The following PPP1R9A variants were observed in gnomAD, a reference collection of about 807,000 sequenced individuals.
PPP1R9A encodes the protein protein phosphatase 1 regulatory subunit 9A, also known as neurabin-1.
In PPP1R9A, 59 loss-of-function variants were observed where a neutral mutation model predicts 141.9. The ratio of observed to expected loss-of-function variants is 0.42; its 90% CI spans 0.34 to 0.52. The LOEUF is 0.52. Among genes scored for constraint, PPP1R9A ranks in the 20% least tolerant of loss-of-function variants. The pLI, the probability that PPP1R9A is intolerant of heterozygous loss-of-function variation, is 0.10. For missense variants in PPP1R9A, 1,444 were observed against 1,611.9 expected, an observed-to-expected ratio of 0.90 and a Z score of 1.78; for synonymous variants, 500 against 569.7, an observed-to-expected ratio of 0.88 and a Z score of 1.74.
At chr7:95,257,916 T>C (rs1799841362) in intron 12 of PPP1R9A, among the ~76,000 whole-genome samples, 1 of 152,200 alleles carries the variant, frequency 6.6e-6, no homozygotes, top group South Asian at 2.1e-4. Context: ...CACTCTATCA[T>C]TGTTGGACAT....
intron 6 of PPP1R9A, 82 bp downstream of exon 6, chr7:95,198,566 T>C: frequency 7.1e-7 from 1 of 1,398,872 alleles, no homozygotes; most frequent in Non-Finnish European, 9.4e-7. Context: ...TATGACAGGT[T>C]TTATGCAGTT....
intron 5 of PPP1R9A, among the ~76,000 whole-genome samples, chr7:95,178,284 A>C (rs1270599762): frequency 1.3e-5 from 2 of 152,132 alleles, no homozygotes; most frequent in African/African-American, 4.8e-5. Flanking sequence ...CTGAATGATC[A>C]TTGGGTCAAA....
At chr7:95,042,998 A>T (rs918835184) in intron 2 of PPP1R9A, among the ~76,000 whole-genome samples, 1 of 152,190 alleles carries the variant, frequency 6.6e-6, no homozygotes, top group African/African-American at 2.4e-5. Flanking sequence ...CATATTTTTA[A>T]AATGTTTTCT....
chr7:95,274,702 C>T (rs561114887), intron 16 of PPP1R9A, among the ~76,000 whole-genome samples: 30 of 152,236 alleles, frequency 2.0e-4, no homozygotes, highest in African/African-American at 3.4e-4. Context: ...CCATAAAGAG[C>T]GAGCTTTGAA....
intron 7 of PPP1R9A, among the ~76,000 whole-genome samples, chr7:95,209,699 A>G (rs2152905298): frequency 1.3e-5 from 2 of 152,178 alleles, no homozygotes; most frequent in South Asian, 2.1e-4. Flanking sequence ...TTTTTTTTGT[A>G]CTTTAAATTC....
chr7:95,195,268 C>A (rs1255619147), intron 5 of PPP1R9A, among the ~76,000 whole-genome samples: 3 of 149,984 alleles, frequency 2.0e-5, no homozygotes, highest in Admixed American at 1.3e-4. Flanking sequence ...AGATAGGAAG[C>A]AAAAGCCATC....
At chr7:95,276,105 G>A (rs1803142148) in intron 16 of PPP1R9A, among the ~76,000 whole-genome samples, 2 of 152,176 alleles carry the variant, frequency 1.3e-5, no homozygotes, top group Non-Finnish European at 2.9e-5. Flanking sequence ...AGGGGAGAAA[G>A]AGATGCATAA....
Position 95,249,994 on chromosome 7 carries a change from A to T in PPP1R9A, c.2167-32A>T, listed in dbSNP as rs116701822. ...AGATTTTTGCCACAAAAGTGGCCAAATTATCTTTGCCTTGACGTTTGCTTT... is the reference window on the plus strand; with the variant it reads ...AGATTTTTGCCACAAAAGTGGCCAATTTATCTTTGCCTTGACGTTTGCTTT... On this transcript the variant is annotated intron_variant, in intron 9 of 19. Transcript: ENST00000433360. 342 of 1,528,126 alleles carry T rather than the reference A, an allele frequency of 2.2e-4. 1 individual carries two copies. In the African/African-American group the frequency reaches 4.5e-3, roughly 20 times the overall value. The allele number at this position is 1,528,126 out of a possible 1,614,324, so 94.7% of individuals were successfully genotyped here.
At chr7:95,121,216 A>T (rs1002590325) in intron 4 of PPP1R9A, among the ~76,000 whole-genome samples, 1 of 152,220 alleles carries the variant, frequency 6.6e-6, no homozygotes, top group African/African-American at 2.4e-5. Flanking sequence ...TGACACATGT[A>T]GATGGTAAGT....
intron 8 of PPP1R9A, among the ~76,000 whole-genome samples, chr7:95,245,467 T>C (rs1410328771): frequency 1.3e-5 from 2 of 152,128 alleles, no homozygotes; most frequent in African/African-American, 4.8e-5. Context: ...AGTCTTCCCG[T>C]GTCTAAAATG....
intron 2 of PPP1R9A, among the ~76,000 whole-genome samples, chr7:95,038,447 T>A (rs546339978): frequency 1.3e-5 from 2 of 152,264 alleles, no homozygotes; most frequent in East Asian, 3.9e-4. Flanking sequence ...ACCCCACCAG[T>A]TTCTCACAGA....
chr7:95,024,607 T>C (rs1806531428), intron 2 of PPP1R9A, among the ~76,000 whole-genome samples: 1 of 152,166 alleles, frequency 6.6e-6, no homozygotes, highest in African/African-American at 2.4e-5. Flanking sequence ...CCTCTGCTTT[T>C]TTTTTGTTTT....
chr7:94,925,521 T>G (rs1255186472), intron 2 of PPP1R9A, among the ~76,000 whole-genome samples: 1 of 152,102 alleles, frequency 6.6e-6, no homozygotes, highest in Non-Finnish European at 1.5e-5. Flanking sequence ...CTCTCATTCT[T>G]AGAAAATTTG....
chr7:95,164,656 A>G (rs1473020736), intron 5 of PPP1R9A, among the ~76,000 whole-genome samples: 2 of 148,106 alleles, frequency 1.4e-5, no homozygotes, highest in Middle Eastern at 3.3e-3. Flanking sequence ...TTCTCTCAGG[A>G]TCTCCATCTG....
At chr7:94,918,332 A>G (rs1025653251) in intron 2 of PPP1R9A, among the ~76,000 whole-genome samples, 11 of 152,026 alleles carry the variant, frequency 7.2e-5, no homozygotes, top group Non-Finnish European at 1.5e-4. Flanking sequence ...TACTCCTGAC[A>G]GATGATGTTT....
chr7:95,153,584 G>A (rs1289276580), intron 4 of PPP1R9A, among the ~76,000 whole-genome samples: 1 of 152,148 alleles, frequency 6.6e-6, no homozygotes, highest in Non-Finnish European at 1.5e-5. Context: ...TTTTAAATCA[G>A]TCTGATTTGT....
intron 2 of PPP1R9A, among the ~76,000 whole-genome samples, chr7:94,970,445 A>ACCTGCTTTGGCTCATGCCCCAC (rs1798735653): frequency 6.6e-6 from 1 of 152,012 alleles, no homozygotes; most frequent in Non-Finnish European, 1.5e-5. Context: ...CAATGCCCCA[A>ACCTGCTTTGGCTCATGCCCCAC]CCTGCTTTGG....
At chr7:95,116,892 T>C (rs1821621146) in intron 3 of PPP1R9A, among the ~76,000 whole-genome samples, 1 of 152,170 alleles carries the variant, frequency 6.6e-6, no homozygotes, top group Non-Finnish European at 1.5e-5. Flanking sequence ...ACACATGATA[T>C]TTCAGCTTAG....
chr7:95,001,067 G>A (rs1290643271), intron 2 of PPP1R9A, among the ~76,000 whole-genome samples: 1 of 152,112 alleles, frequency 6.6e-6, no homozygotes, highest in Non-Finnish European at 1.5e-5. Flanking sequence ...GTGATTCCCA[G>A]ATCTGTCATT....
Sources: gnomAD v4.1 joint callset for allele counts (sites outside exome capture counted in the v4.1 genomes callset) on GRCh38, gnomAD v4.1.1 for gene constraint, MANE v1.5 for transcripts, NCBI Gene and HGNC (gene_info 2026-07-23, HGNC 2026-07-21) for gene names.